The following ADGRF5 variants were observed in gnomAD, a reference collection of about 807,000 sequenced individuals.
The protein encoded by ADGRF5 is adhesion G protein-coupled receptor F5.
Under a neutral mutation model 132.3 loss-of-function variants are expected in ADGRF5, and 75 were observed. The ratio of observed to expected loss-of-function variants is 0.57; its 90% CI spans 0.47 to 0.69. The LOEUF is 0.69. ADGRF5 is among the 30% of genes least tolerant of loss of function. ADGRF5 has a pLI of 0.00. For synonymous variants in ADGRF5, 629 were observed against 597.6 expected (o/e 1.05, Z -0.77); for missense variants, 1,516 against 1,630.6 (o/e 0.93, Z 1.21).
At chr6:46,904,473 C>T (rs1352346583) in intron 2 of ADGRF5, among the ~76,000 whole-genome samples, 1 of 152,172 alleles carries the variant, frequency 6.6e-6, no homozygotes, top group Non-Finnish European at 1.5e-5. Context: ...TATGATTCCA[C>T]CTACAGGAGT....
Position 46,941,778 on chromosome 6 carries a change from C to A in ADGRF5, c.-25+12956G>T, listed in dbSNP as rs550042325. ...TGGCAGATAGATGGGCTGCTAGGTT[C>A]ATCTGTGGGCCATCTCTTCTCTCCC... On this transcript the variant is annotated intron_variant, in intron 1 of 20. Coordinates refer to the ADGRF5 transcript ENST00000265417. Among the ~76,000 whole-genome samples the A allele has an allele frequency of 2.0e-5, 3 of 152,190 alleles. No homozygotes were observed. The East Asian group carries it at 5.8e-4, about 29-fold the overall frequency.
chr6:46,940,626 AC>A (rs2150942838), intron 1 of ADGRF5, among the ~76,000 whole-genome samples: 1 of 152,328 alleles, frequency 6.6e-6, no homozygotes, highest in Non-Finnish European at 1.5e-5. Context: ...CTAAAAAGCC[AC>A]AGCTCTGAAG....
chr6:46,866,797 G>A (rs1352434326), intron 13 of ADGRF5, 128 bp downstream of exon 13: 2 of 605,612 alleles, frequency 3.3e-6, no homozygotes, highest in Admixed American at 3.0e-5. Flanking sequence ...AAGATTCATG[G>A]GATTCTACTC....
intron 1 of ADGRF5, among the ~76,000 whole-genome samples, chr6:46,912,783 A>G (rs1581981683): frequency 6.6e-6 from 1 of 152,140 alleles, no homozygotes; most frequent in South Asian, 2.1e-4. Context: ...GGTCCAGAAC[A>G]CATAGCCCTC....
rs1025437882 is a variant in ADGRF5, at chr6:46,916,629, CCTTT to C, written c.-25+5080_-25+5083del. The stretch of plus-strand genomic sequence containing the variant: ...TAATCTCCTGAATGGGCCCCTCGCT[CCTTT>C]CTTCCCTGACCAATAATCCAACACA... On this transcript the variant is annotated intron_variant, in intron 1 of 20. Coordinates refer to ENST00000283296, the MANE Select transcript of ADGRF5 (RefSeq NM_001098518.2). Among the ~76,000 whole-genome samples, 3 of 152,328 alleles carry C rather than the reference CCTTT, an allele frequency of 2.0e-5. No individual in the cohort carries two copies. In the South Asian group the frequency reaches 6.2e-4, roughly 32 times the overall value.
intron 1 of ADGRF5, among the ~76,000 whole-genome samples, chr6:46,941,558 A>G (rs1425784883): frequency 1.3e-5 from 2 of 152,110 alleles, no homozygotes; most frequent in East Asian, 3.9e-4. Flanking sequence ...TCTGGAAGTG[A>G]GGCCCAGTAA....
chr6:46,907,436 C>T (rs995942546), intron 1 of ADGRF5, among the ~76,000 whole-genome samples: 5 of 151,860 alleles, frequency 3.3e-5, no homozygotes, highest in African/African-American at 1.2e-4. Context: ...AATTCCTGGC[C>T]TCAAGCAATC....
rs533214597 is a variant in ADGRF5, at chr6:46,935,149, G to A, written c.-25+19585C>T. Among the ~76,000 whole-genome samples the A allele has an allele frequency of 1.7e-4, 26 of 151,758 alleles. No homozygotes were observed. The South Asian group carries it at 1.9e-3, about 11-fold the overall frequency. On this transcript the variant is annotated intron_variant, in intron 1 of 20. Coordinates refer to the ADGRF5 transcript ENST00000265417. ...CTCCTGAGTAGCTGGGACTACAGGC[G>A]TGTGCCACAAGGCCCGGCTAATTTT...
rs374758546 is a variant in ADGRF5 at position 46,883,560 on chromosome 6, G to A, written c.611C>T (p.Ala204Val). Residue 204 changes from alanine to valine, a missense_variant and splice_region_variant, in exon 6 of 21, where the codon GCG becomes GTG. By Grantham distance (64) the Ala-to-Val change is moderately conservative. Coordinates refer to ENST00000283296, the MANE Select transcript of ADGRF5 (RefSeq NM_001098518.2). ...GAGGTTCTTGGGGCCAAAACCTACCGCTGTTTCCAAGTCGGTCTTGTAGGA... is the reference window on the plus strand; with the variant it reads ...GAGGTTCTTGGGGCCAAAACCTACCACTGTTTCCAAGTCGGTCTTGTAGGA... ...YRSYKTDLET[A>V]FRKGYGILPG... is the part of the protein sequence containing the mutation. 4.4e-6 allele frequency: 7 copies of A among 1,575,004 alleles called. No individual in the cohort carries two copies. Among genetic ancestry groups the A allele is most frequent in the East Asian group, 2.2e-5 (1 of 44,596 alleles).
At chr6:46,927,538 T>C (rs575925771) in intron 1 of ADGRF5, among the ~76,000 whole-genome samples, 2 of 152,176 alleles carry the variant, frequency 1.3e-5, no homozygotes, top group South Asian at 2.1e-4. Context: ...TGGTTGTAAG[T>C]AGAATAAGGA....
In ADGRF5 at chr6:46,883,638, A is replaced by G. The variant is rs1772736653; in HGVS notation, c.533T>C (p.Leu178Pro). The change falls in exon 6 of 21, where the codon CTA becomes CCA. Residue 178 changes from leucine (L) to proline (P), a missense_variant. Leu to Pro is a moderately conservative substitution (Grantham distance 98). This residue lies in a region of ADGRF5 where 945 missense variants were observed against 929.4 expected (regional missense o/e 1.02). Transcript: ENST00000283296. Reference sequence around the variant, plus strand: ...GAGGTCTTCTTGAAAGCCTACATTTAGTCTGACTCTCATGTTCAGGGTAAC... The same window carrying G: ...GAGGTCTTCTTGAAAGCCTACATTTGGTCTGACTCTCATGTTCAGGGTAAC... ...EDVTLNMRVRLNVGFQEDLMN... is the reference protein window; with the variant it reads ...EDVTLNMRVRPNVGFQEDLMN... 1 of 1,599,480 alleles carries G rather than the reference A, an allele frequency of 6.3e-7. No homozygotes were observed. Among genetic ancestry groups the G allele is most frequent in the Non-Finnish European group, 8.5e-7 (1 of 1,173,044 alleles).
chr6:46,856,688 A>T (rs1448171928), intron 19 of ADGRF5, 30 bp downstream of exon 19: 2 of 1,147,656 alleles, frequency 1.7e-6, no homozygotes, highest in Non-Finnish European at 2.6e-6. Context: ...ATGTTATAAA[A>T]TGAAAAGTCT....
At position 46,858,809 on chromosome 6, in the gene ADGRF5, C is replaced by A. The variant is rs1562138798; in HGVS notation, c.3094G>T (p.Val1032Phe). The change falls in exon 17 of 21, where the codon GTT becomes TTT. Residue 1032 changes from valine (V) to phenylalanine (F), a missense_variant. Coordinates refer to ENST00000283296, the MANE Select transcript of ADGRF5 (RefSeq NM_001098518.2). The stretch of plus-strand genomic sequence containing the variant: ...GATTTCCACACCACAGCTTCCACAA[C>A]TAGACAGGCTGCCAAGCTCAAGATG... ...FSILSLAACL[V>F]VEAVVWKSVT... 3.7e-6 allele frequency: 6 copies of A among 1,614,168 alleles called. No individual in the cohort carries two copies. In the East Asian group the frequency reaches 1.3e-4, roughly 36 times the overall value.
At chr6:46,913,656 C>T (rs113670670) in intron 1 of ADGRF5, among the ~76,000 whole-genome samples, 63 of 152,226 alleles carry the variant, frequency 4.1e-4, no homozygotes, top group Middle Eastern at 3.4e-3. Context: ...AGAAACTGTA[C>T]TGGGAAGAGT....
chr6:46,874,512 G>A (rs1023237650), intron 10 of ADGRF5, among the ~76,000 whole-genome samples: 1 of 152,218 alleles, frequency 6.6e-6, no homozygotes, highest in Non-Finnish European at 1.5e-5. Context: ...TAGATTAAAG[G>A]AGGGATGTTT....
upstream of ADGRF5, among the ~76,000 whole-genome samples, chr6:46,925,999 T>C (rs115320569): frequency 6.7e-3 from 1,020 of 152,134 alleles, 12 homozygotes; most frequent in African/African-American, 0.022. Flanking sequence ...TATTTCTATA[T>C]TGAGGCCAAG....
At chr6:46,950,948 G>A (rs1019437044) in intron 1 of ADGRF5, among the ~76,000 whole-genome samples, 1 of 152,216 alleles carries the variant, frequency 6.6e-6, no homozygotes, top group Admixed American at 6.5e-5. Context: ...CAAGACAGGA[G>A]ATTAAAAACC....
At chr6:46,891,729 T>C (rs895664032) in intron 3 of ADGRF5, among the ~76,000 whole-genome samples, 7 of 152,128 alleles carry the variant, frequency 4.6e-5, no homozygotes, top group African/African-American at 1.7e-4. Context: ...ACGGATGTTA[T>C]CACTCCCCAT....
At chr6:46,914,850 T>G (rs1438708797) in intron 1 of ADGRF5, among the ~76,000 whole-genome samples, 1 of 151,856 alleles carries the variant, frequency 6.6e-6, no homozygotes, top group African/African-American at 2.4e-5. Context: ...TTGTTTTTAT[T>G]TTTTTTGTTT....
Sources: allele counts gnomAD v4.1 joint callset (sites outside exome capture counted in the v4.1 genomes callset), GRCh38; gene constraint gnomAD v4.1.1; regional missense constraint gnomAD v4.1.1; transcripts MANE v1.5; gene names NCBI Gene and HGNC (gene_info 2026-07-23, HGNC 2026-07-21).